The following IDH2 variants were observed in gnomAD, a reference collection of about 807,000 sequenced individuals.
IDH2 encodes isocitrate dehydrogenase (NADP(+)) 2.
In IDH2, 18 loss-of-function variants were observed where a neutral mutation model predicts 50.5. The observed-to-expected ratio is 0.36, with a 90% CI of 0.25 to 0.53. The LOEUF is 0.53. Ranked by LOEUF, IDH2 falls within the 20% of genes least tolerant of loss-of-function variation. The pLI is 0.92. For missense variants in IDH2, 518 were observed against 610.7 expected (o/e 0.85, Z 1.60); for synonymous variants, 280 against 239.8 (o/e 1.17, Z -1.55).
intron 4 of IDH2, 32 bp downstream of exon 4, chr15:90,088,555 G>C (rs2151549425): frequency 6.2e-7 from 1 of 1,614,178 alleles, no homozygotes; most frequent in Non-Finnish European, 8.5e-7. Flanking sequence ...GGGGTGCCCA[G>C]GTCAGTGGAT....
At chr15:90,099,369 C>T (rs1374669701) in intron 1 of IDH2, among the ~76,000 whole-genome samples, 1 of 152,172 alleles carries the variant, frequency 6.6e-6, no homozygotes, top group African/African-American at 2.4e-5. Flanking sequence ...CCTGCTTCCT[C>T]CCCTCCTCAG....
Position 90,084,289 on chromosome 15 carries a change from C to G in IDH2, c.1336G>C (p.Asp446His), listed in dbSNP as rs1017825906. Residue 446 changes from aspartate (D) to histidine (H), a missense_variant, in exon 11 of 11, where the codon GAC becomes CAC. Physicochemically the swap from Asp to His is moderately conservative, Grantham distance 81. Coordinates refer to ENST00000330062, the MANE Select transcript of IDH2 (RefSeq NM_002168.4). This position sits in a 1 kb window ranked among gnomAD's most constrained non-coding sequence, Gnocchi z 5.0. ...CCCTACTGCCTGCCCAGGGCTCTGT[C>G]CAGGTTGCTCTTGATGGTGTCGAGG... ...DFLDTIKSNL[D>H]RALGRQ 1 of 1,614,064 alleles carries G rather than the reference C, an allele frequency of 6.2e-7. No homozygotes were observed. The highest frequency in any genetic ancestry group is 8.5e-7 in the Non-Finnish European group (1 of 1,179,998).
intron 7 of IDH2, among the ~76,000 whole-genome samples, chr15:90,086,573 A>AT (rs983493398): frequency 3.3e-5 from 5 of 151,482 alleles, no homozygotes; most frequent in Non-Finnish European, 5.9e-5. Context: ...GCCCAGCTAA[A>AT]TTTTTTTGCA....
chr15:90,100,147 TGAA>T lies in IDH2; in HGVS notation c.115+2126_115+2128del, dbSNP rs1462332354. On this transcript the variant is annotated intron_variant, in intron 1 of 10. Transcript: ENST00000330062. The surrounding 1 kb of genome is among the most constrained non-coding windows in gnomAD (Gnocchi z 4.1). Reference sequence around the variant, plus strand: ...CTCTCCAGCAATAGGCCCCATGCCCTGAAGAAGCTTACAACCTACAGTGTACTA... The same window carrying T: ...CTCTCCAGCAATAGGCCCCATGCCCTGAAGCTTACAACCTACAGTGTACTA... 6.6e-6 allele frequency among the ~76,000 whole-genome samples: 1 copy of T among 152,158 alleles called. No homozygotes were observed. The highest frequency in any genetic ancestry group is 6.5e-5 in the Admixed American group (1 of 15,268).
chr15:90,102,340 C>T lies in IDH2; in HGVS notation c.51G>A (p.Ser17=). 1 of 1,366,988 alleles carries T rather than the reference C, an allele frequency of 7.3e-7. No individual in the cohort carries two copies. Among genetic ancestry groups the T allele is most frequent in the Middle Eastern group, 2.4e-4 (1 of 4,158 alleles). The allele number at this position is 1,366,988 out of a possible 1,614,324, so 84.7% of individuals were successfully genotyped here. A position where few individuals can be genotyped will look rare whatever the true frequency, so the allele number is the denominator to read the frequency against. ...VVRSLCRASG[S]RPAWAPAALT... ...GGGCCGCCGGCGCCCAGGCCGGCCGCGAGCCTGAGGCTCTGCAGAGCGAGC... is the reference window on the plus strand; with the variant it reads ...GGGCCGCCGGCGCCCAGGCCGGCCGTGAGCCTGAGGCTCTGCAGAGCGAGC... Residue 17 remains serine, a synonymous_variant, in exon 1 of 11, where the codon TCG becomes TCA. Transcript: ENST00000330062.
chr15:90,084,806 G>T lies in IDH2; in HGVS notation c.1271+10C>A, dbSNP rs1269359720. 1 of 1,610,758 alleles carries T rather than the reference G, an allele frequency of 6.2e-7. No individual in the cohort carries two copies. On this transcript the variant is annotated intron_variant, in intron 10 of 10. Transcript: ENST00000330062. The surrounding 1 kb of genome is among the most constrained non-coding windows in gnomAD (Gnocchi z 5.0). The stretch of plus-strand genomic sequence containing the variant: ...GCCCCAGGGTCTGCCTACCACCCCA[G>T]GCCACGCACTTGCTGAGGCCGTGAA...
At chr15:90,090,670 C>T (rs778323248) in intron 2 of IDH2, 26 bp from the exon 3 acceptor site, 7 of 1,613,536 alleles carry the variant, frequency 4.3e-6, no homozygotes, top group Non-Finnish European at 5.1e-6. Flanking sequence ...CAGAGCAAGG[C>T]GTCACCCCAG....
At position 90,084,242 on chromosome 15, in the gene IDH2, T is replaced by C; in HGVS notation, c.*24A>G. The C allele has an allele frequency of 3.1e-6, 5 of 1,608,594 alleles. No individual in the cohort carries two copies. The highest frequency in any genetic ancestry group is 3.4e-6 in the Non-Finnish European group (4 of 1,176,272). On this transcript the variant is annotated 3_prime_UTR_variant, in exon 11 of 11. Coordinates refer to ENST00000330062, the MANE Select transcript of IDH2 (RefSeq NM_002168.4). The surrounding 1 kb of genome is among the most constrained non-coding windows in gnomAD (Gnocchi z 5.0). The stretch of plus-strand genomic sequence containing the variant: ...GCCGGCTCAGCCCTGGCCCCTCCAC[T>C]GCAGCCATGGGTGGCGCCTCCCCCT...
chr15:90,091,689 G>T, intron 1 of IDH2, 45 bp from the exon 2 acceptor site: 1 of 1,542,478 alleles, frequency 6.5e-7, no homozygotes, highest in Non-Finnish European at 9.0e-7. Context: ...GGGGAGGCTG[G>T]AGGGGGGCCC....
chr15:90,101,593 G>A (rs997455836), intron 1 of IDH2, among the ~76,000 whole-genome samples: 1 of 151,966 alleles, frequency 6.6e-6, no homozygotes, highest in African/African-American at 2.4e-5. Context: ...GAGTGAGCCA[G>A]GCAGGGAGGG....
chr15:90,096,658 T>A (rs1901188521), intron 1 of IDH2, among the ~76,000 whole-genome samples: 1 of 152,108 alleles, frequency 6.6e-6, no homozygotes. Context: ...CTCGCACCTG[T>A]AATCCCAGCA....
chr15:90,095,717 A>G (rs1901166102), intron 1 of IDH2, among the ~76,000 whole-genome samples: 1 of 152,182 alleles, frequency 6.6e-6, no homozygotes, highest in African/African-American at 2.4e-5. Flanking sequence ...TGGGATACTG[A>G]AATGCCTAAA....
intron 1 of IDH2, among the ~76,000 whole-genome samples, chr15:90,094,163 C>A (rs539662188): frequency 2.0e-5 from 3 of 152,108 alleles, no homozygotes; most frequent in Admixed American, 2.0e-4. Flanking sequence ...CCAGGGAGAC[C>A]AGTGGAGGGT....
chr15:90,097,086 A>G (rs1357887511), intron 1 of IDH2, among the ~76,000 whole-genome samples: 1 of 152,236 alleles, frequency 6.6e-6, no homozygotes, highest in African/African-American at 2.4e-5. Context: ...CCACGTGTCC[A>G]TCACAGATGA....
At chr15:90,099,167 C>A (rs1013120239) in intron 1 of IDH2, among the ~76,000 whole-genome samples, 6 of 152,106 alleles carry the variant, frequency 3.9e-5, no homozygotes, top group African/African-American at 1.4e-4. Flanking sequence ...TAACGATACT[C>A]CTCTCAAAAC....
At chr15:90,087,740 C>T (rs1395483261) in intron 5 of IDH2, among the ~76,000 whole-genome samples, 165 bp from the exon 6 acceptor site, 2 of 152,138 alleles carry the variant, frequency 1.3e-5, no homozygotes, top group Non-Finnish European at 2.9e-5. Context: ...TTCTGCTGGC[C>T]CAGCCTCTCC....
chr15:90,084,277 C>T lies in IDH2; in HGVS notation c.1348G>A (p.Gly450Ser). The T allele has an allele frequency of 6.2e-7, 1 of 1,613,946 alleles. No individual in the cohort carries two copies. The highest frequency in any genetic ancestry group is 8.5e-7 in the Non-Finnish European group (1 of 1,179,954). Reference sequence around the variant, plus strand: ...GGTGGCGCCTCCCCCTACTGCCTGCCCAGGGCTCTGTCCAGGTTGCTCTTG... The same window carrying T: ...GGTGGCGCCTCCCCCTACTGCCTGCTCAGGGCTCTGTCCAGGTTGCTCTTG... ...TIKSNLDRAL[G>S]RQ Residue 450 changes from glycine to serine, a missense_variant, in exon 11 of 11, where the codon GGC (glycine) becomes AGC (serine). Physicochemically the swap from Gly to Ser is moderately conservative, Grantham distance 56. This residue lies in a region of IDH2 where 135 missense variants were observed against 167.6 expected (regional missense o/e 0.81). Coordinates refer to ENST00000330062, the MANE Select transcript of IDH2 (RefSeq NM_002168.4). This position sits in a 1 kb window ranked among gnomAD's most constrained non-coding sequence, Gnocchi z 5.0.
At chr15:90,088,780 C>T (rs1167152282) in intron 3 of IDH2, 33 bp from the exon 4 acceptor site, 5 of 1,612,526 alleles carry the variant, frequency 3.1e-6, no homozygotes, top group Non-Finnish European at 4.2e-6. Flanking sequence ...GGTCCCACTG[C>T]AGCCGCCATC....
intron 1 of IDH2, among the ~76,000 whole-genome samples, chr15:90,099,578 C>T (rs1901277028): frequency 6.6e-6 from 1 of 152,178 alleles, no homozygotes; most frequent in African/African-American, 2.4e-5. Flanking sequence ...AATGATCCTC[C>T]TGAGTAGCTA....
Sources: allele counts gnomAD v4.1 joint callset (sites outside exome capture counted in the v4.1 genomes callset), GRCh38; gene constraint gnomAD v4.1.1; regional missense constraint gnomAD v4.1.1; non-coding constraint Gnocchi (gnomAD v3.1); transcripts MANE v1.5; gene names NCBI Gene and HGNC (gene_info 2026-07-23, HGNC 2026-07-21).